ASAP1: variants seen among roughly 807,000 people sequenced by gnomAD.
The protein encoded by ASAP1 is ArfGAP with SH3 domain, ankyrin repeat and PH domain 1.
In ASAP1, 43 loss-of-function variants were observed where a neutral mutation model predicts 145.2. That is an observed-to-expected ratio of 0.30 (90% CI 0.23 to 0.38). The LOEUF (loss-of-function observed/expected upper bound fraction) is 0.38. ASAP1 is among the 10% of genes least tolerant of loss of function. ASAP1 has a pLI of 1.00. For synonymous variants in ASAP1, 546 were observed against 515.5 expected (o/e 1.06, Z -0.80); for missense variants, 1,018 against 1,355.3 (o/e 0.75, Z 3.91).
chr8:130,150,174 C>G (rs2097642709), intron 13 of ASAP1, among the ~76,000 whole-genome samples: 1 of 152,208 alleles, frequency 6.6e-6, no homozygotes, highest in Non-Finnish European at 1.5e-5. Context: ...AGTTGGCATT[C>G]AGACTCACAT....
chr8:130,323,751 A>G (rs946362333), intron 3 of ASAP1, among the ~76,000 whole-genome samples: 2 of 152,210 alleles, frequency 1.3e-5, no homozygotes, highest in South Asian at 2.1e-4. Flanking sequence ...TGTAAGGCCC[A>G]TAACACAATG....
intron 3 of ASAP1, among the ~76,000 whole-genome samples, chr8:130,306,066 A>G (rs1822974503): frequency 6.6e-6 from 1 of 152,226 alleles, no homozygotes; most frequent in Admixed American, 6.5e-5. Flanking sequence ...CCTCAGTCCA[A>G]ATTTATTCAG....
intron 3 of ASAP1, among the ~76,000 whole-genome samples, chr8:130,274,139 T>C (rs1219159813): frequency 6.6e-6 from 1 of 152,230 alleles, no homozygotes; most frequent in Non-Finnish European, 1.5e-5. Context: ...TTTTCATTCT[T>C]CTCATACTAA....
At chr8:130,363,613 T>C (rs1826816897) in intron 2 of ASAP1, among the ~76,000 whole-genome samples, 1 of 152,202 alleles carries the variant, frequency 6.6e-6, no homozygotes, top group South Asian at 2.1e-4. Flanking sequence ...GGTGGTTATA[T>C]ATGTAATGTC....
chr8:130,273,384 A>C (rs1820696763), intron 3 of ASAP1, among the ~76,000 whole-genome samples: 1 of 152,156 alleles, frequency 6.6e-6, no homozygotes, highest in Non-Finnish European at 1.5e-5. Flanking sequence ...GCCTGCTTCC[A>C]CTCAAGGTCT....
chr8:130,126,169 G>T, intron 16 of ASAP1, 80 bp from the exon 17 acceptor site: 1 of 1,321,352 alleles, frequency 7.6e-7, no homozygotes, highest in Non-Finnish European at 1.0e-6. Flanking sequence ...AGCTAAAACA[G>T]TAGTACAAAT....
chr8:130,390,792 T>G (rs1273359173), intron 2 of ASAP1, among the ~76,000 whole-genome samples: 7 of 152,238 alleles, frequency 4.6e-5, no homozygotes, highest in Non-Finnish European at 8.8e-5. Context: ...GGTGACGATA[T>G]GGAGACATGG....
intron 26 of ASAP1, among the ~76,000 whole-genome samples, chr8:130,077,103 T>C (rs1175581105): frequency 6.6e-6 from 1 of 152,150 alleles, no homozygotes; most frequent in Non-Finnish European, 1.5e-5. Context: ...CTCACGTGGG[T>C]CAGAGGTAGA....
At chr8:130,281,949 C>T (rs945110948) in intron 3 of ASAP1, among the ~76,000 whole-genome samples, 2 of 151,898 alleles carry the variant, frequency 1.3e-5, no homozygotes, top group African/African-American at 4.8e-5. Flanking sequence ...GCCTGTAATC[C>T]CAGCTACTCG....
chr8:130,098,643 A>G (rs947111862), intron 24 of ASAP1, among the ~76,000 whole-genome samples: 2 of 152,152 alleles, frequency 1.3e-5, no homozygotes, highest in African/African-American at 4.8e-5. Context: ...CCACGGTGCC[A>G]GGCCTAAAAA....
intron 13 of ASAP1, 140 bp downstream of exon 13, chr8:130,152,596 T>G: frequency 1.9e-6 from 1 of 520,332 alleles, no homozygotes; most frequent in Non-Finnish European, 3.2e-6. Flanking sequence ...AAAACTTTTT[T>G]TTTTTTTTTT....
At chr8:130,076,821 C>A (rs2097463456) in intron 26 of ASAP1, among the ~76,000 whole-genome samples, 1 of 152,150 alleles carries the variant, frequency 6.6e-6, no homozygotes, top group Non-Finnish European at 1.5e-5. Flanking sequence ...TGCCCAGCCT[C>A]AAAATGTCTT....
intron 3 of ASAP1, among the ~76,000 whole-genome samples, chr8:130,257,985 G>A (rs1446437367): frequency 6.6e-6 from 1 of 152,062 alleles, no homozygotes; most frequent in Non-Finnish European, 1.5e-5. Context: ...GTAAATTTGT[G>A]TATTAGTGTA....
At chr8:130,216,127 T>C (rs1366753130) in intron 4 of ASAP1, among the ~76,000 whole-genome samples, 1 of 152,088 alleles carries the variant, frequency 6.6e-6, no homozygotes, top group Non-Finnish European at 1.5e-5. Context: ...AAATTCTCCT[T>C]GGAAAAACAA....
At chr8:130,177,166 T>C (rs1339119919) in intron 9 of ASAP1, among the ~76,000 whole-genome samples, 1 of 152,158 alleles carries the variant, frequency 6.6e-6, no homozygotes, top group Non-Finnish European at 1.5e-5. Context: ...GACTAATACA[T>C]ATTTGTGGAA....
chr8:130,350,040 T>C (rs1402954698), intron 3 of ASAP1, among the ~76,000 whole-genome samples: 2 of 152,342 alleles, frequency 1.3e-5, no homozygotes, highest in East Asian at 1.9e-4. Flanking sequence ...GTCTGGGTAG[T>C]GTTTGAACAT....
In ASAP1 at chr8:130,263,585, CT is replaced by C. The variant is rs1262305408; in HGVS notation, c.187-26592del. ...TTGAGTAAGTTTAAATGAGCCTTTG[CT>C]CACTTAGGGAGCCTAACTGAAATGG... On this transcript the variant is annotated intron_variant, in intron 3 of 29. Coordinates refer to ENST00000518721, the MANE Select transcript of ASAP1 (RefSeq NM_018482.4). 1.3e-4 allele frequency among the ~76,000 whole-genome samples: 20 copies of C among 152,304 alleles called. 1 individual carries two copies. The highest frequency in any genetic ancestry group is 4.8e-4 in the African/African-American group (20 of 41,564).
At chr8:130,202,129 T>C (rs901807032) in intron 5 of ASAP1, among the ~76,000 whole-genome samples, 1 of 152,150 alleles carries the variant, frequency 6.6e-6, no homozygotes. Context: ...TTAAGACTTA[T>C]TTCACTTAAT....
At chr8:130,310,858 T>C (rs1410939918) in intron 3 of ASAP1, among the ~76,000 whole-genome samples, 1 of 152,170 alleles carries the variant, frequency 6.6e-6, no homozygotes, top group African/African-American at 2.4e-5. Context: ...TTACTATAAA[T>C]AAACAAGCTT....
Sources: allele counts gnomAD v4.1 joint callset (sites outside exome capture counted in the v4.1 genomes callset), GRCh38; gene constraint gnomAD v4.1.1; transcripts MANE v1.5; gene names NCBI Gene and HGNC (gene_info 2026-07-23, HGNC 2026-07-21).